SPRY3: variants seen among roughly 807,000 people sequenced by gnomAD.
SPRY3 encodes the protein sprouty RTK signaling antagonist 3, also known as protein sprouty homolog 3.
SPRY3 carries 15 observed loss-of-function variants against 20.2 expected under a neutral mutation model. The ratio of observed to expected loss-of-function variants is 0.74; its 90% CI spans 0.50 to 1.14. The LOEUF is 1.14. SPRY3 is among the 50% of genes most tolerant of loss of function. The probability of loss-of-function intolerance (pLI) is 0.00; values close to 1 mark genes in which losing one functional copy is unlikely to be tolerated. For synonymous variants in SPRY3, 143 were observed against 136.5 expected (o/e 1.05, Z -0.33); for missense variants, 364 against 363.9 (o/e 1.00, Z 0.00).
chrX:155,738,145 C>T (rs773185463), intron 2 of SPRY3, among the ~76,000 whole-genome samples: 4 of 151,794 alleles, frequency 2.6e-5, no homozygotes, highest in African/African-American at 4.8e-5. Context: ...AGTTCTTATA[C>T]CTGAGACCAA....
intron 2 of SPRY3, among the ~76,000 whole-genome samples, chrX:155,658,800 G>T (rs782427388): frequency 1.3e-3 from 146 of 111,755 alleles, no homozygotes; most frequent in Non-Finnish European, 1.7e-3. Flanking sequence ...TTACCCATTC[G>T]GTATGATGTT....
intron 2 of SPRY3, among the ~76,000 whole-genome samples, chrX:155,705,922 G>A (rs758330018): frequency 6.6e-6 from 1 of 151,390 alleles, no homozygotes; most frequent in Non-Finnish European, 1.5e-5. Context: ...CACAATTATA[G>A]CTGAACACTT....
chrX:155,684,394 G>A (rs2068081994), intron 2 of SPRY3, among the ~76,000 whole-genome samples: 1 of 110,972 alleles, frequency 9.0e-6, no homozygotes, highest in African/African-American at 3.3e-5. Context: ...AGAACAGAAG[G>A]AAAGGGGGGA....
At chrX:155,767,489 T>C (rs895060310) in intron 2 of SPRY3, among the ~76,000 whole-genome samples, 6 of 151,824 alleles carry the variant, frequency 4.0e-5, no homozygotes, top group African/African-American at 1.5e-4. Flanking sequence ...CAGTTTCTGC[T>C]GCTTCGGTTC....
chrX:155,729,642 C>T (rs924818037), intron 2 of SPRY3, among the ~76,000 whole-genome samples: 3 of 150,990 alleles, frequency 2.0e-5, no homozygotes, highest in African/African-American at 7.3e-5. Context: ...CTGAATGATG[C>T]CTCTTACAGA....
intron 3 of SPRY3, among the ~76,000 whole-genome samples, chrX:155,769,902 G>T (rs780240845): frequency 6.6e-6 from 1 of 152,118 alleles, no homozygotes; most frequent in Non-Finnish European, 1.5e-5. Context: ...TATTTGTAAG[G>T]GGGGAGTGCT....
chrX:155,736,945 G>A (rs1325914711), intron 2 of SPRY3, among the ~76,000 whole-genome samples: 1 of 151,888 alleles, frequency 6.6e-6, no homozygotes, highest in African/African-American at 2.4e-5. Context: ...CAGTTTCACT[G>A]ATCTTTTCCT....
At chrX:155,771,269 A>G (rs896457756) in intron 3 of SPRY3, among the ~76,000 whole-genome samples, 3 of 151,968 alleles carry the variant, frequency 2.0e-5, no homozygotes, top group Admixed American at 6.6e-5. Context: ...AATTCTCATT[A>G]TTGTTTCTGA....
chrX:155,737,105 T>C (rs2091175309), intron 2 of SPRY3, among the ~76,000 whole-genome samples: 2 of 152,196 alleles, frequency 1.3e-5, no homozygotes. Context: ...TGAATGTTGT[T>C]CACTTTTTCC....
intron 2 of SPRY3, among the ~76,000 whole-genome samples, chrX:155,738,780 G>A (rs1486999421): frequency 2.0e-5 from 3 of 152,212 alleles, no homozygotes; most frequent in African/African-American, 7.2e-5. Flanking sequence ...GGGCTGTATA[G>A]AGTCTCAGCA....
At chrX:155,707,176 C>T (rs1248241515) in intron 2 of SPRY3, among the ~76,000 whole-genome samples, 12 of 151,028 alleles carry the variant, frequency 7.9e-5, no homozygotes, top group Non-Finnish European at 1.5e-4. Flanking sequence ...CCATAAATTT[C>T]GATACGTTTT....
chrX:155,669,136 T>C (rs931660633), intron 2 of SPRY3, among the ~76,000 whole-genome samples: 6 of 111,088 alleles, frequency 5.4e-5, no homozygotes, highest in Non-Finnish European at 7.6e-5. Context: ...GATACTATCA[T>C]GTAAATAAAG....
At chrX:155,767,260 G>C (rs2091337970) in intron 2 of SPRY3, among the ~76,000 whole-genome samples, 1 of 151,744 alleles carries the variant, frequency 6.6e-6, no homozygotes, top group African/African-American at 2.4e-5. Flanking sequence ...ATAACGAGGA[G>C]CAATAAATCC....
chrX:155,762,762 A>G (rs1343997616), intron 2 of SPRY3, among the ~76,000 whole-genome samples: 1 of 152,162 alleles, frequency 6.6e-6, no homozygotes, highest in Admixed American at 6.6e-5. Flanking sequence ...TGGTGGGAAT[A>G]TAAATATAAA....
intron 2 of SPRY3, among the ~76,000 whole-genome samples, chrX:155,693,625 T>G (rs905973635): frequency 2.9e-5 from 3 of 102,088 alleles, no homozygotes; most frequent in African/African-American, 1.1e-4. Context: ...TCTCTGTCAA[T>G]TTTTGTCTCA....
At chrX:155,704,305 A>C (rs1291273458) in intron 2 of SPRY3, among the ~76,000 whole-genome samples, 7 of 151,886 alleles carry the variant, frequency 4.6e-5, no homozygotes. Context: ...TTCTGCAGAG[A>C]GATCAAAACT....
At chrX:155,769,537 GT>G (rs993942405) in intron 3 of SPRY3, among the ~76,000 whole-genome samples, 2 of 125,408 alleles carry the variant, frequency 1.6e-5, no homozygotes, top group Admixed American at 9.1e-5. Flanking sequence ...AAGGATTTGA[GT>G]TTTTAAAAAA....
At chrX:155,743,606 T>G (rs2091213485) in intron 2 of SPRY3, among the ~76,000 whole-genome samples, 1 of 152,096 alleles carries the variant, frequency 6.6e-6, no homozygotes, top group Non-Finnish European at 1.5e-5. Flanking sequence ...CTGAGAGTTT[T>G]TGAGCAAACC....
chrX:155,659,632 G>A (rs782133650), intron 2 of SPRY3, among the ~76,000 whole-genome samples: 2 of 111,172 alleles, frequency 1.8e-5, no homozygotes, highest in Non-Finnish European at 3.8e-5. Context: ...TTCCTTCTTT[G>A]TGCATCTGGT....
Sources: allele counts gnomAD v4.1 joint callset (sites outside exome capture counted in the v4.1 genomes callset), GRCh38; gene constraint gnomAD v4.1.1; transcripts MANE v1.5; gene names NCBI Gene and HGNC (gene_info 2026-07-23, HGNC 2026-07-21).